The following COMMD1 variants were observed in gnomAD, a reference collection of about 807,000 sequenced individuals.
COMMD1 encodes the protein COMM domain-containing protein 1.
COMMD1 carries 10 observed loss-of-function variants against 17.2 expected under a neutral mutation model. That is an observed-to-expected ratio of 0.58 (90% confidence interval 0.36 to 0.99). COMMD1 has a LOEUF of 0.99. Ranked by LOEUF, COMMD1 falls within the 50% of genes least tolerant of loss-of-function variation. The probability of loss-of-function intolerance (pLI) is 0.01; values close to 1 mark genes in which losing one functional copy is unlikely to be tolerated. For synonymous variants in COMMD1, 97 were observed against 91.6 expected (o/e 1.06, Z -0.34); for missense variants, 270 against 231.8 (o/e 1.17, Z -1.07).
At chr2:62,061,068 A>G (rs1259467941) in intron 2 of COMMD1, among the ~76,000 whole-genome samples, 17 of 151,978 alleles carry the variant, frequency 1.1e-4, no homozygotes, top group African/African-American at 2.4e-5. Context: ...GTTAGTTTAT[A>G]GTTTATTTCT....
chr2:61,936,495 T>G (rs1261640322), intron 1 of COMMD1, among the ~76,000 whole-genome samples: 1 of 152,242 alleles, frequency 6.6e-6, no homozygotes, highest in East Asian at 1.9e-4. Context: ...TGGTCATTTC[T>G]GTGCCAAACA....
intron 1 of COMMD1, among the ~76,000 whole-genome samples, chr2:61,996,322 G>A (rs397870086): frequency 0.047 from 6,648 of 140,378 alleles, 148 homozygotes; most frequent in Non-Finnish European, 0.054. Context: ...AAATGTGTGT[G>A]TGTGTGTGTG....
chr2:61,905,921 C>G, intron 1 of COMMD1, 63 bp downstream of exon 1: 1 of 1,538,010 alleles, frequency 6.5e-7, no homozygotes, highest in South Asian at 1.1e-5. Context: ...GCTTCAGACT[C>G]TCCCCCCCTT....
chr2:62,091,525 G>A (rs1316893029), intron 2 of COMMD1, among the ~76,000 whole-genome samples: 5 of 152,240 alleles, frequency 3.3e-5, no homozygotes, highest in Admixed American at 2.0e-4. Flanking sequence ...ACAATTGTTA[G>A]GTGAGTGGAG....
intron 2 of COMMD1, among the ~76,000 whole-genome samples, chr2:62,029,432 A>T (rs549176139): frequency 6.6e-6 from 1 of 152,258 alleles, no homozygotes; most frequent in South Asian, 2.1e-4. Context: ...TGTATCCATT[A>T]TATGGGCATA....
At chr2:62,103,555 A>G (rs531891802) in intron 2 of COMMD1, among the ~76,000 whole-genome samples, 1 of 152,350 alleles carries the variant, frequency 6.6e-6, no homozygotes, top group Non-Finnish European at 1.5e-5. Flanking sequence ...TATAGAACAC[A>G]GGCACAATTT....
intron 2 of COMMD1, among the ~76,000 whole-genome samples, chr2:62,080,919 C>T (rs995021195): frequency 1.3e-5 from 2 of 151,600 alleles, no homozygotes; most frequent in Non-Finnish European, 2.9e-5. Flanking sequence ...TTAATAGCTG[C>T]ATAATACTTA....
At chr2:61,920,795 CT>C (rs1465319566) in intron 1 of COMMD1, among the ~76,000 whole-genome samples, 8 of 151,702 alleles carry the variant, frequency 5.3e-5, no homozygotes, top group African/African-American at 1.9e-4. Flanking sequence ...GGATCCAAAT[CT>C]GTTTTGATTT....
intron 2 of COMMD1, among the ~76,000 whole-genome samples, chr2:62,118,644 T>A (rs1455745487): frequency 1.3e-5 from 2 of 152,218 alleles, no homozygotes; most frequent in Non-Finnish European, 2.9e-5. Context: ...AGTTGTGGGG[T>A]AGGAGAGATT....
intron 2 of COMMD1, among the ~76,000 whole-genome samples, chr2:62,037,957 C>T (rs1378881959): frequency 6.6e-6 from 1 of 152,188 alleles, no homozygotes; most frequent in Non-Finnish European, 1.5e-5. Flanking sequence ...CTAATTCGGT[C>T]TGCCTCACAG....
At chr2:62,073,873 T>A (rs1007712597) in intron 2 of COMMD1, among the ~76,000 whole-genome samples, 4 of 152,150 alleles carry the variant, frequency 2.6e-5, no homozygotes, top group African/African-American at 7.2e-5. Context: ...AATTTTTGTA[T>A]TTTTAGTAGA....
chr2:62,014,442 C>A (rs539981254), intron 2 of COMMD1, among the ~76,000 whole-genome samples: 5 of 149,764 alleles, frequency 3.3e-5, no homozygotes, highest in African/African-American at 1.2e-4. Context: ...TGCTCTATTG[C>A]CAAGATAAAT....
intron 2 of COMMD1, among the ~76,000 whole-genome samples, chr2:62,127,648 G>C (rs1342283702): frequency 1.3e-5 from 2 of 152,130 alleles, no homozygotes; most frequent in Non-Finnish European, 2.9e-5. Flanking sequence ...TTTAATAAAT[G>C]GTGCTGGGAG....
intron 2 of COMMD1, among the ~76,000 whole-genome samples, chr2:62,128,938 C>T (rs1475740599): frequency 5.8e-5 from 8 of 137,724 alleles, no homozygotes; most frequent in Admixed American, 7.5e-5. Flanking sequence ...GGCAACAGAG[C>T]GAAACTCCAT....
At chr2:62,045,303 T>G (rs1372755154) in intron 2 of COMMD1, among the ~76,000 whole-genome samples, 1 of 152,052 alleles carries the variant, frequency 6.6e-6, no homozygotes, top group Non-Finnish European at 1.5e-5. Context: ...TTTAAAAAAT[T>G]AATCTTAGAT....
At chr2:61,988,349 G>T (rs1308925893) in intron 1 of COMMD1, among the ~76,000 whole-genome samples, 1 of 152,122 alleles carries the variant, frequency 6.6e-6, no homozygotes, top group South Asian at 2.1e-4. Flanking sequence ...GATTATTCAG[G>T]GCTGAAAGGC....
chr2:62,062,907 C>CA lies in COMMD1; in HGVS notation c.462+61935dup, dbSNP rs1235157759. Among the ~76,000 whole-genome samples, 377 of 143,344 alleles carry CA rather than the reference C, an allele frequency of 2.6e-3. 2 individuals are homozygous for CA. Among genetic ancestry groups the CA allele is most frequent in the African/African-American group, 7.4e-3 (291 of 39,214 alleles). 94.0% of individuals were successfully genotyped at this position (143,344 alleles called of 152,430 possible). A position where few individuals can be genotyped will look rare whatever the true frequency, so the allele number is the denominator to read the frequency against. On this transcript the variant is annotated intron_variant, in intron 2 of 2. Transcript: ENST00000311832. ...CAACGTAGGGACACCCTGTCTCTACCAAAAAAAAAACTTTAAATATTAGTA... is the reference window on the plus strand; with the variant it reads ...CAACGTAGGGACACCCTGTCTCTACCAAAAAAAAAAACTTTAAATATTAGTA...
At chr2:61,951,334 C>T (rs925523929) in intron 1 of COMMD1, among the ~76,000 whole-genome samples, 2 of 152,090 alleles carry the variant, frequency 1.3e-5, no homozygotes, top group Non-Finnish European at 2.9e-5. Flanking sequence ...GTGGCGCGTG[C>T]CTGTAGTCCT....
At chr2:62,066,502 C>G (rs1671045899) in intron 2 of COMMD1, among the ~76,000 whole-genome samples, 1 of 133,288 alleles carries the variant, frequency 7.5e-6, no homozygotes, top group African/African-American at 2.9e-5. Flanking sequence ...GTGGTGCGAT[C>G]TCGGCTCACG....
Sources: allele counts gnomAD v4.1 joint callset (sites outside exome capture counted in the v4.1 genomes callset), GRCh38; gene constraint gnomAD v4.1.1; transcripts MANE v1.5; gene names NCBI Gene and HGNC (gene_info 2026-07-23, HGNC 2026-07-21).